The following ZC3H11A variants were observed in gnomAD, a reference collection of about 807,000 sequenced individuals.
ZC3H11A encodes the protein zinc finger CCCH domain-containing protein 11A.
A neutral mutation model predicts 90.8 loss-of-function variants in ZC3H11A; 22 were observed. The observed-to-expected ratio is 0.24, with a 90% CI of 0.17 to 0.35. The LOEUF is 0.35. Among genes scored for constraint, ZC3H11A ranks in the 10% least tolerant of loss-of-function variants. The pLI is 1.00. For missense variants in ZC3H11A, 701 were observed against 964.9 expected (o/e 0.73, Z 3.62); for synonymous variants, 294 against 339.8 (o/e 0.87, Z 1.48).
In ZC3H11A at chr1:203,806,879, A is replaced by T. The variant is rs561473495; in HGVS notation, c.-146+3863A>T. 1.8e-3 allele frequency among the ~76,000 whole-genome samples: 242 copies of T among 131,282 alleles called. 2 individuals carry two copies. Among genetic ancestry groups the T allele is most frequent in the African/African-American group, 6.4e-3 (227 of 35,226 alleles). 86.1% of individuals were successfully genotyped at this position (131,282 alleles called of 152,430 possible). A position where few individuals can be genotyped will look rare whatever the true frequency, so the allele number is the denominator to read the frequency against. ...TTACTTGATAAAGACTACTTCAAGT[A>T]CTTTTCTTCACTTTTTAACCATTTT... On this transcript the variant is annotated intron_variant, in intron 2 of 17. Coordinates refer to ENST00000367210, the MANE Select transcript of ZC3H11A (RefSeq NM_001376342.1).
At chr1:203,820,036 A>G (rs2102842349) in intron 4 of ZC3H11A, among the ~76,000 whole-genome samples, 1 of 151,086 alleles carries the variant, frequency 6.6e-6, no homozygotes, top group African/African-American at 2.4e-5. Context: ...GGAGTTCGAG[A>G]CCAGCCTGAC....
chr1:203,824,136 C>T (rs191996822), intron 4 of ZC3H11A, among the ~76,000 whole-genome samples: 1 of 152,034 alleles, frequency 6.6e-6, no homozygotes, highest in Non-Finnish European at 1.5e-5. Flanking sequence ...GGCGTGGTGA[C>T]GCAGCCATGT....
At chr1:203,798,342 T>C (rs923549475) in intron 1 of ZC3H11A, 7 of 1,535,904 alleles carry the variant, frequency 4.6e-6, no homozygotes, top group Non-Finnish European at 6.1e-6. Context: ...GAATTTTTTT[T>C]ACACTGATCC....
intron 4 of ZC3H11A, among the ~76,000 whole-genome samples, chr1:203,821,982 C>A (rs1330738627): frequency 6.6e-6 from 1 of 152,128 alleles, no homozygotes; most frequent in Non-Finnish European, 1.5e-5. Flanking sequence ...TGGTCTCGAT[C>A]TGCTGACCTC....
intron 7 of ZC3H11A, 33 bp from the exon 8 acceptor site, chr1:203,830,090 C>T (rs771639603): frequency 9.2e-6 from 14 of 1,527,506 alleles, no homozygotes; most frequent in East Asian, 6.7e-5. Context: ...AAAAGGCTCC[C>T]GTTCCTCATA....
chr1:203,804,195 A>G (rs1571920570), intron 2 of ZC3H11A, among the ~76,000 whole-genome samples: 1 of 137,330 alleles, frequency 7.3e-6, no homozygotes, highest in East Asian at 2.1e-4. Context: ...TCTGTCGCCC[A>G]GGCTGGAGTG....
chr1:203,833,755 A>T, intron 9 of ZC3H11A, 36 bp from the exon 10 acceptor site: 1 of 1,590,178 alleles, frequency 6.3e-7, no homozygotes, highest in African/African-American at 1.4e-5. Context: ...AGAAAAATTG[A>T]CTAAGGATAG....
At chr1:203,821,874 C>T (rs1463397293) in intron 4 of ZC3H11A, among the ~76,000 whole-genome samples, 10 of 151,820 alleles carry the variant, frequency 6.6e-5, no homozygotes, top group African/African-American at 2.2e-4. Context: ...TCTCCTGTTT[C>T]AGTCTCCCGA....
Position 203,847,693 on chromosome 1 carries a change from A to T in ZC3H11A, c.1546+6A>T, listed in dbSNP as rs199602009. 4 of 1,610,158 alleles carry T rather than the reference A, an allele frequency of 2.5e-6. No homozygotes were observed. The highest frequency in any genetic ancestry group is 3.4e-6 in the Non-Finnish European group (4 of 1,178,920). On this transcript the variant is annotated splice_donor_region_variant and intron_variant, in intron 13 of 17. Transcript: ENST00000367210. ...GCGAATCACCAAAAGAACAGGTAACAAGAGAACTTGGTCTCTAGTACCACG... is the reference window on the plus strand; with the variant it reads ...GCGAATCACCAAAAGAACAGGTAACTAGAGAACTTGGTCTCTAGTACCACG...
intron 4 of ZC3H11A, among the ~76,000 whole-genome samples, chr1:203,820,482 G>GTGTGTGTGTGTGTA (rs1266406820): frequency 1.3e-5 from 2 of 151,852 alleles, no homozygotes; most frequent in Non-Finnish European, 1.5e-5. Context: ...GTGTGTGTGT[G>GTGTGTGTGTGTGTA]TATATTTTGA....
chr1:203,814,390 G>C (rs564288599), intron 2 of ZC3H11A, among the ~76,000 whole-genome samples: 80 of 152,156 alleles, frequency 5.3e-4, no homozygotes, highest in Non-Finnish European at 1.0e-3. Flanking sequence ...CATATGTGGT[G>C]GTGCAAGCCT....
rs1468226818 is a variant in ZC3H11A at position 203,818,575 on chromosome 1, C to T, written c.60C>T (p.Asp20=). 1 of 1,613,890 alleles carries T rather than the reference C, an allele frequency of 6.2e-7. No homozygotes were observed. Among genetic ancestry groups the T allele is most frequent in the Non-Finnish European group, 8.5e-7 (1 of 1,179,970 alleles). ...FFFYSTCTKG[D]SCPFRHCEAA... ...TGTTCTCTATTTGTTTACAGGGTGA[C>T]AGCTGCCCATTCCGTCACTGTGAAG... The change falls in exon 4 of 18, where the codon GAC becomes GAT. Residue 20 remains aspartate (D), a synonymous_variant. Coordinates refer to ENST00000367210, the MANE Select transcript of ZC3H11A (RefSeq NM_001376342.1).
chr1:203,851,027 C>T, intron 16 of ZC3H11A, 30 bp from the exon 17 acceptor site: 1 of 1,610,784 alleles, frequency 6.2e-7, no homozygotes, highest in Non-Finnish European at 8.5e-7. Context: ...GCCTGACTCT[C>T]ACTGAATTAC....
intron 4 of ZC3H11A, among the ~76,000 whole-genome samples, chr1:203,819,529 A>ATTTT (rs755259647): frequency 5.5e-5 from 4 of 72,886 alleles, no homozygotes; most frequent in African/African-American, 1.7e-4. Flanking sequence ...GCTGACTCCA[A>ATTTT]TTTTTTTTTT....
intron 1 of ZC3H11A, chr1:203,799,943 A>G (rs1670022557): frequency 6.5e-7 from 1 of 1,536,150 alleles, no homozygotes; most frequent in Non-Finnish European, 8.7e-7. Flanking sequence ...AATCTTCACC[A>G]GAGATCTGCC....
chr1:203,844,792 T>A (rs1687437559), intron 12 of ZC3H11A, among the ~76,000 whole-genome samples: 1 of 152,120 alleles, frequency 6.6e-6, no homozygotes, highest in Non-Finnish European at 1.5e-5. Flanking sequence ...TGGAAACAAC[T>A]TCTTTCCTTT....
At chr1:203,825,785 A>G (rs1054632582) in intron 4 of ZC3H11A, among the ~76,000 whole-genome samples, 1 of 152,108 alleles carries the variant, frequency 6.6e-6, no homozygotes, top group African/African-American at 2.4e-5. Context: ...TCTTTTTAGT[A>G]TGCATATAGT....
intron 2 of ZC3H11A, among the ~76,000 whole-genome samples, chr1:203,816,531 T>C (rs553494757): frequency 2.0e-5 from 3 of 152,190 alleles, no homozygotes; most frequent in Non-Finnish European, 4.4e-5. Flanking sequence ...TGGGGGAGGC[T>C]GAGGTGGGAG....
Position 203,797,726 on chromosome 1 carries a change from G to A in ZC3H11A, c.-1588+1932G>A, listed in dbSNP as rs947398323. Reference sequence around the variant, plus strand: ...CTAAAAAGAAAAGAAAGAAGGGTTTGCGAATTAAGGGGAAAAGGCGTCGAA... The same window carrying A: ...CTAAAAAGAAAAGAAAGAAGGGTTTACGAATTAAGGGGAAAAGGCGTCGAA... On this transcript the variant is annotated intron_variant, in intron 1 of 17. Transcript: ENST00000367210. 4.5e-5 allele frequency: 69 copies of A among 1,535,308 alleles called. No homozygotes were observed. The East Asian group carries it at 1.4e-3, about 30-fold the overall frequency.
Sources: gnomAD v4.1 joint callset for allele counts (sites outside exome capture counted in the v4.1 genomes callset) on GRCh38, gnomAD v4.1.1 for gene constraint, MANE v1.5 for transcripts, NCBI Gene and HGNC (gene_info 2026-07-23, HGNC 2026-07-21) for gene names.